The following STRN3 variants were observed in gnomAD, a reference collection of about 807,000 sequenced individuals.
STRN3 encodes the protein striatin-3.
Under a neutral mutation model 95.6 loss-of-function variants are expected in STRN3, and 29 were observed. That is an observed-to-expected ratio of 0.30 (90% confidence interval 0.23 to 0.41). STRN3 has a LOEUF of 0.41. Among genes scored for constraint, STRN3 ranks in the 10% least tolerant of loss-of-function variants. The pLI, the probability that STRN3 is intolerant of heterozygous loss-of-function variation, is 1.00. For synonymous variants in STRN3, 331 were observed against 357.6 expected, an observed-to-expected ratio of 0.93 and a Z score of 0.84; for missense variants, 890 against 972.1, an observed-to-expected ratio of 0.92 and a Z score of 1.12.
rs1200581144 is a variant in STRN3, at chr14:31,026,325, C to G, written c.-140G>C. 5 of 819,786 alleles carry G rather than the reference C, an allele frequency of 6.1e-6. No homozygotes were observed. The highest frequency in any genetic ancestry group is 4.4e-4 in the Middle Eastern group (1 of 2,280). 50.8% of individuals were successfully genotyped at this position (819,786 alleles called of 1,614,324 possible). On this transcript the variant is annotated 5_prime_UTR_variant, in exon 1 of 18. Coordinates refer to ENST00000357479, the MANE Select transcript of STRN3 (RefSeq NM_001083893.2). ...GAAGGGGTCGTTGCTGTGTGCCTGCCGTGGGTCAGAGCAGGGAGCTGCCGG... is the reference window on the plus strand; with the variant it reads ...GAAGGGGTCGTTGCTGTGTGCCTGCGGTGGGTCAGAGCAGGGAGCTGCCGG...
intron 8 of STRN3, among the ~76,000 whole-genome samples, chr14:30,922,667 C>A (rs921244492): frequency 6.6e-6 from 1 of 152,028 alleles, no homozygotes; most frequent in African/African-American, 2.4e-5. Flanking sequence ...GGAAAAGATA[C>A]GCTTATTTTA....
At chr14:30,967,263 GA>G (rs1304190764) in intron 1 of STRN3, among the ~76,000 whole-genome samples, 6 of 140,582 alleles carry the variant, frequency 4.3e-5, no homozygotes, top group African/African-American at 1.3e-4. Flanking sequence ...GAGGCAGAGA[GA>G]GGGGGGAAGA....
Position 30,894,346 on chromosome 14 carries a change from T to G in STRN3, c.*1065A>C, listed in dbSNP as rs1049902353. On this transcript the variant is annotated 3_prime_UTR_variant, in exon 18 of 18. Transcript: ENST00000357479. ...TTTAAACTATAAAATACTCCATTTT[T>G]AGTCTATTTTAGACTATTCAAAGAG... 6.6e-6 allele frequency: 1 copy of G among 152,642 alleles called. No individual in the cohort carries two copies. Among genetic ancestry groups the G allele is most frequent in the Non-Finnish European group, 1.5e-5 (1 of 68,038 alleles). 9.5% of individuals were successfully genotyped at this position (152,642 alleles called of 1,614,324 possible).
chr14:30,944,539 A>ACG (rs1157322092), intron 5 of STRN3, among the ~76,000 whole-genome samples: 1 of 120,960 alleles, frequency 8.3e-6, no homozygotes, highest in Non-Finnish European at 1.8e-5. Context: ...ATATATATAC[A>ACG]TGTATATATA....
intron 15 of STRN3, among the ~76,000 whole-genome samples, chr14:30,903,446 G>C (rs777440283): frequency 5.3e-5 from 8 of 152,098 alleles, no homozygotes; most frequent in Non-Finnish European, 1.2e-4. Context: ...CTGTCACCTA[G>C]GCTGGAGTGC....
chr14:30,976,704 A>G (rs1881120760), intron 1 of STRN3, among the ~76,000 whole-genome samples: 1 of 152,282 alleles, frequency 6.6e-6, no homozygotes, highest in Admixed American at 6.5e-5. Flanking sequence ...TCTAAAAATC[A>G]GTAACAGAAA....
intron 1 of STRN3, among the ~76,000 whole-genome samples, chr14:30,968,118 A>T (rs1880626338): frequency 6.6e-6 from 1 of 152,182 alleles, no homozygotes; most frequent in Non-Finnish European, 1.5e-5. Flanking sequence ...GGGTCTTATT[A>T]ATAGCAAAGA....
At chr14:30,998,464 A>G (rs1882303228) in intron 1 of STRN3, among the ~76,000 whole-genome samples, 1 of 152,244 alleles carries the variant, frequency 6.6e-6, no homozygotes, top group South Asian at 2.1e-4. Context: ...ACATGCTCAG[A>G]AAAGACCAGA....
At chr14:30,906,548 C>T (rs987479514) in intron 14 of STRN3, among the ~76,000 whole-genome samples, 1 of 151,966 alleles carries the variant, frequency 6.6e-6, no homozygotes, top group African/African-American at 2.4e-5. Flanking sequence ...AGACTGTGAT[C>T]CCTTCGGTCT....
At chr14:30,987,832 G>A (rs1351116794) in intron 1 of STRN3, among the ~76,000 whole-genome samples, 4 of 151,802 alleles carry the variant, frequency 2.6e-5, no homozygotes, top group Non-Finnish European at 4.4e-5. Context: ...CTGCCTCCCG[G>A]GTTCAAGCAA....
intron 1 of STRN3, among the ~76,000 whole-genome samples, chr14:30,972,425 C>T (rs1880880223): frequency 6.6e-6 from 1 of 152,220 alleles, no homozygotes; most frequent in Non-Finnish European, 1.5e-5. Context: ...CTTCCCCTCC[C>T]TTGTCCAAGT....
At position 30,980,991 on chromosome 14, in the gene STRN3, C is replaced by T. The variant is rs75719952; in HGVS notation, c.283-24749G>A. ...CAGGTTAGAGCAACTAATAATAAAT[C>T]CATAACACCACTACTCAAAAACAGT... On this transcript the variant is annotated intron_variant, in intron 1 of 17. Coordinates refer to ENST00000357479, the MANE Select transcript of STRN3 (RefSeq NM_001083893.2). Among the ~76,000 whole-genome samples the T allele has an allele frequency of 5.5e-3, 833 of 152,048 alleles. 6 individuals carry two copies. Among genetic ancestry groups the T allele is most frequent in the East Asian group, 0.028 (145 of 5,136 alleles).
At chr14:31,016,607 G>A (rs1165626448) in intron 1 of STRN3, among the ~76,000 whole-genome samples, 2 of 151,962 alleles carry the variant, frequency 1.3e-5, no homozygotes, top group South Asian at 2.1e-4. Flanking sequence ...GCAGTGGCGC[G>A]ATCTCGACTC....
chr14:30,988,034 C>T (rs1196118859), intron 1 of STRN3, among the ~76,000 whole-genome samples: 1 of 152,234 alleles, frequency 6.6e-6, no homozygotes, highest in African/African-American at 2.4e-5. Context: ...CCGCGTCCAG[C>T]TGTTTTTCTC....
At chr14:30,980,172 G>C (rs1036564858) in intron 1 of STRN3, among the ~76,000 whole-genome samples, 1 of 151,896 alleles carries the variant, frequency 6.6e-6, no homozygotes, top group African/African-American at 2.4e-5. Flanking sequence ...TTGAGCCCAA[G>C]AGGCGGAGGC....
chr14:30,971,145 TATCA>T (rs554683682), intron 1 of STRN3, among the ~76,000 whole-genome samples: 76 of 152,362 alleles, frequency 5.0e-4, no homozygotes, highest in African/African-American at 1.7e-3. Flanking sequence ...TTTAAGAGCT[TATCA>T]ATCAGTCAGC....
intron 1 of STRN3, among the ~76,000 whole-genome samples, chr14:30,971,081 T>C (rs888013912): frequency 1.3e-5 from 2 of 152,238 alleles, no homozygotes; most frequent in Admixed American, 6.5e-5. Flanking sequence ...TCTCACAACA[T>C]GGAGGAAACT....
intron 4 of STRN3, among the ~76,000 whole-genome samples, chr14:30,948,501 T>G (rs1196257075): frequency 6.6e-6 from 1 of 151,906 alleles, no homozygotes; most frequent in South Asian, 2.1e-4. Flanking sequence ...ATTTGAGAAA[T>G]TAGAGGAAAA....
Position 30,895,284 on chromosome 14 carries a change from G to A in STRN3, c.*127C>T. 1.1e-6 allele frequency: 1 copy of A among 902,596 alleles called. No individual in the cohort carries two copies. The highest frequency in any genetic ancestry group is 1.6e-6 in the Non-Finnish European group (1 of 624,294). The allele number at this position is 902,596 out of a possible 1,614,324, so 55.9% of individuals were successfully genotyped here. On this transcript the variant is annotated 3_prime_UTR_variant, in exon 18 of 18. Coordinates refer to ENST00000357479, the MANE Select transcript of STRN3 (RefSeq NM_001083893.2). ...TAAGATGTGATTTCCACCAATTTGT[G>A]CCTGCCCCAGATAGCCTTCACCAGG...
Sources: allele counts gnomAD v4.1 joint callset (sites outside exome capture counted in the v4.1 genomes callset), GRCh38; gene constraint gnomAD v4.1.1; transcripts MANE v1.5; gene names NCBI Gene and HGNC (gene_info 2026-07-23, HGNC 2026-07-21).